Variants in RPH3A observed in about 807,000 individuals in gnomAD.
RPH3A encodes the protein rabphilin 3A.
In RPH3A, 48 loss-of-function variants were observed where a neutral mutation model predicts 102.2. The ratio of observed to expected loss-of-function variants is 0.47; its 90% CI spans 0.37 to 0.60. The LOEUF is 0.60. Ranked by LOEUF, RPH3A falls within the 20% of genes least tolerant of loss-of-function variation. RPH3A has a pLI of 0.00. For missense variants in RPH3A, 781 were observed against 910.1 expected (o/e 0.86, Z 1.83); for synonymous variants, 310 against 324.3 (o/e 0.96, Z 0.47).
At chr12:112,660,115 A>G (rs2040039540) in intron 1 of RPH3A, among the ~76,000 whole-genome samples, 1 of 152,244 alleles carries the variant, frequency 6.6e-6, no homozygotes. Context: ...TACATATTAT[A>G]TGCATTGATA....
Position 112,727,511 on chromosome 12 carries a change from C to CAT in RPH3A, c.-139-64620_-139-64619dup, listed in dbSNP as rs1248997739. On this transcript the variant is annotated intron_variant, in intron 1 of 21. Transcript: ENST00000543106. ...CACACAGACCCCCCCCCCCCACACA[C>CAT]ATATATATATATAGGCATTTTCTAA... Among the ~76,000 whole-genome samples the CAT allele has an allele frequency of 4.5e-3, 498 of 110,032 alleles. 7 individuals carry two copies. The highest frequency in any genetic ancestry group is 7.8e-3 in the Middle Eastern group (1 of 128). 72.2% of individuals were successfully genotyped at this position (110,032 alleles called of 152,430 possible).
At chr12:112,829,074 C>T (rs2041926466) in intron 3 of RPH3A, among the ~76,000 whole-genome samples, 1 of 152,188 alleles carries the variant, frequency 6.6e-6, no homozygotes, top group African/African-American at 2.4e-5. Context: ...ACCCACCCAT[C>T]CCAGTTGGTT....
chr12:112,584,485 A>G (rs1311794377), intron 1 of RPH3A, among the ~76,000 whole-genome samples: 1 of 152,150 alleles, frequency 6.6e-6, no homozygotes, highest in Admixed American at 6.5e-5. Context: ...CCAGGGTCAC[A>G]TGGTCTACTT....
At chr12:112,734,750 C>T (rs922765157) in intron 1 of RPH3A, among the ~76,000 whole-genome samples, 24 of 152,286 alleles carry the variant, frequency 1.6e-4, no homozygotes, top group African/African-American at 5.5e-4. Flanking sequence ...TATAGGGTAT[C>T]TTTCTGACTT....
At chr12:112,657,676 T>C (rs1430251425) in intron 1 of RPH3A, among the ~76,000 whole-genome samples, 1 of 152,116 alleles carries the variant, frequency 6.6e-6, no homozygotes, top group African/African-American at 2.4e-5. Context: ...CTAAACATTA[T>C]GTGGTATGTG....
intron 1 of RPH3A, among the ~76,000 whole-genome samples, chr12:112,719,807 C>T (rs1352358711): frequency 6.6e-6 from 1 of 152,138 alleles, no homozygotes; most frequent in Non-Finnish European, 1.5e-5. Context: ...AGGGATTGCC[C>T]ATCTTGTCAT....
intron 13 of RPH3A, 141 bp downstream of exon 13, chr12:112,877,007 A>T (rs534833646): frequency 1.9e-6 from 1 of 516,284 alleles, no homozygotes; most frequent in African/African-American, 2.0e-5. Context: ...TAACCAAGTG[A>T]TAGAAGTACA....
chr12:112,629,284 C>T (rs566968548), intron 1 of RPH3A, among the ~76,000 whole-genome samples: 1 of 152,026 alleles, frequency 6.6e-6, no homozygotes, highest in African/African-American at 2.4e-5. Context: ...TTCTTTCCTC[C>T]AAGAAATTAA....
rs1212273373 is a variant in RPH3A at position 112,776,885 on chromosome 12, A to C, written c.-139-15258A>C. Reference sequence around the variant, plus strand: ...TGAGACTCCATCTCAAAAAAAAAAAAAAAAAAAAAAAAAAAAAAAAAAAAA... The same window carrying C: ...TGAGACTCCATCTCAAAAAAAAAAACAAAAAAAAAAAAAAAAAAAAAAAAA... On this transcript the variant is annotated intron_variant, in intron 1 of 21. Coordinates refer to the RPH3A transcript ENST00000543106. Among the ~76,000 whole-genome samples the C allele has an allele frequency of 9.6e-4, 126 of 131,060 alleles. 19 individuals are homozygous for C. The highest frequency in any genetic ancestry group is 1.6e-3 in the South Asian group (6 of 3,816). 86.0% of individuals were successfully genotyped at this position (131,060 alleles called of 152,430 possible).
At chr12:112,732,553 A>G (rs1327479279) in intron 1 of RPH3A, among the ~76,000 whole-genome samples, 1 of 152,170 alleles carries the variant, frequency 6.6e-6, no homozygotes, top group Non-Finnish European at 1.5e-5. Context: ...AACGTGCAGG[A>G]TGTTTAATAA....
upstream of RPH3A, among the ~76,000 whole-genome samples, chr12:112,788,917 G>T (rs942204142): frequency 3.9e-5 from 6 of 152,164 alleles, no homozygotes; most frequent in Non-Finnish European, 8.8e-5. Context: ...CCAGCACTTT[G>T]GGAGGTCGAC....
rs1336091297 is a variant in RPH3A, at chr12:112,674,022, G to A, written c.-140+98703G>A. 2.0e-5 allele frequency among the ~76,000 whole-genome samples: 3 copies of A among 152,284 alleles called. 1 individual carries two copies. The Middle Eastern group carries it at 0.01, about 518-fold the overall frequency. On this transcript the variant is annotated intron_variant, in intron 1 of 21. Transcript: ENST00000543106. ...GATCCTCCCACCTCAGCCTTCCAAA[G>A]TGCTGGAATTACAGGTGTGAGGCAC...
chr12:112,692,881 C>T lies in RPH3A; in HGVS notation c.-139-99262C>T, dbSNP rs116506775. Among the ~76,000 whole-genome samples, 351 of 152,302 alleles carry T rather than the reference C, an allele frequency of 2.3e-3. 5 individuals carry two copies. Among genetic ancestry groups the T allele is most frequent in the East Asian group, 0.018 (91 of 5,182 alleles). ...CATGAAGACAAGTTGATATCCTGAGCATGAACACCATGCAGGTCTTGTCAT... is the reference window on the plus strand; with the variant it reads ...CATGAAGACAAGTTGATATCCTGAGTATGAACACCATGCAGGTCTTGTCAT... On this transcript the variant is annotated intron_variant, in intron 1 of 21. Coordinates refer to the RPH3A transcript ENST00000543106.
intron 2 of RPH3A, among the ~76,000 whole-genome samples, chr12:112,827,591 T>C (rs921136759): frequency 3.9e-5 from 6 of 152,168 alleles, no homozygotes; most frequent in African/African-American, 1.2e-4. Flanking sequence ...ATCAGCATAG[T>C]AGCAATGCAG....
chr12:112,788,572 C>T (rs2041066474), upstream of RPH3A, among the ~76,000 whole-genome samples: 1 of 152,208 alleles, frequency 6.6e-6, no homozygotes, highest in South Asian at 2.1e-4. Context: ...TAATAGCACC[C>T]ACTTCAGGTA....
At chr12:112,688,073 A>C (rs2040280021) in intron 1 of RPH3A, among the ~76,000 whole-genome samples, 1 of 152,232 alleles carries the variant, frequency 6.6e-6, no homozygotes, top group Non-Finnish European at 1.5e-5. Context: ...GCAGGATGTA[A>C]ATGTATAGTT....
At chr12:112,688,002 T>C (rs993831208) in intron 1 of RPH3A, among the ~76,000 whole-genome samples, 1 of 152,230 alleles carries the variant, frequency 6.6e-6, no homozygotes, top group Non-Finnish European at 1.5e-5. Context: ...CACAAAATAG[T>C]TTAACATTCC....
intron 1 of RPH3A, among the ~76,000 whole-genome samples, chr12:112,776,550 T>A (rs2040966878): frequency 6.6e-6 from 1 of 150,688 alleles, no homozygotes; most frequent in African/African-American, 2.4e-5. Context: ...GAGGCAGGGA[T>A]GAGAGAGAGA....
intron 1 of RPH3A, among the ~76,000 whole-genome samples, chr12:112,712,904 CTCTTCTTCT>C (rs1387688395): frequency 2.3e-4 from 21 of 92,572 alleles, no homozygotes; most frequent in Middle Eastern, 5.0e-3. Context: ...CTTCTTCTTC[CTCTTCTTCT>C]TCTTCTTCTT....
Sources: gnomAD v4.1 joint callset for allele counts (sites outside exome capture counted in the v4.1 genomes callset) on GRCh38, gnomAD v4.1.1 for gene constraint, MANE v1.5 for transcripts, NCBI Gene and HGNC (gene_info 2026-07-23, HGNC 2026-07-21) for gene names.